The following PPP1R12A variants were observed in gnomAD, a reference collection of about 807,000 sequenced individuals.
The protein encoded by PPP1R12A is protein phosphatase 1 regulatory subunit 12A.
In PPP1R12A, 19 loss-of-function variants were observed where a neutral mutation model predicts 139.6. That is an observed-to-expected ratio of 0.14 (90% CI 0.09 to 0.20). The LOEUF is 0.20. Ranked by LOEUF, PPP1R12A falls within the 10% of genes least tolerant of loss-of-function variation. The probability of loss-of-function intolerance (pLI) is 1.00; values close to 1 mark genes in which losing one functional copy is unlikely to be tolerated. For missense variants in PPP1R12A, 925 were observed against 1,211.5 expected (o/e 0.76, Z 3.51); for synonymous variants, 427 against 420.6 (o/e 1.02, Z -0.19).
chr12:79,888,478 G>A (rs1263830188), intron 1 of PPP1R12A, among the ~76,000 whole-genome samples: 3 of 152,162 alleles, frequency 2.0e-5, no homozygotes, highest in Non-Finnish European at 4.4e-5. Flanking sequence ...ATTTAAGAAA[G>A]GGGAAACAAC....
intron 1 of PPP1R12A, among the ~76,000 whole-genome samples, chr12:79,897,398 G>A (rs1351069030): frequency 1.3e-5 from 2 of 152,130 alleles, no homozygotes; most frequent in South Asian, 4.2e-4. Flanking sequence ...GAGTCGGGGA[G>A]GGAACAAGGG....
At chr12:79,817,624 A>G in intron 8 of PPP1R12A, 106 bp from the exon 9 acceptor site, 2 of 1,142,636 alleles carry the variant, frequency 1.8e-6, no homozygotes, top group Non-Finnish European at 1.2e-6. Flanking sequence ...TTTGTTAACT[A>G]AAAGTCTTTC....
Position 79,778,713 on chromosome 12 carries a change from T to C in PPP1R12A, c.2956-113A>G. 4.5e-6 allele frequency: 3 copies of C among 672,532 alleles called. No individual in the cohort carries two copies. The East Asian group carries it at 9.0e-5, about 20-fold the overall frequency. 41.7% of individuals were successfully genotyped at this position (672,532 alleles called of 1,614,324 possible). ...ATTAAAGGTCCAATCAGGAGCAGTG[T>C]AGAAAAGATGTGATGCCAGTGATAT... On this transcript the variant is annotated intron_variant, in intron 23 of 24. Coordinates refer to ENST00000450142, the MANE Select transcript of PPP1R12A (RefSeq NM_002480.3).
intron 10 of PPP1R12A, among the ~76,000 whole-genome samples, chr12:79,809,495 T>C (rs1289863891): frequency 1.3e-5 from 2 of 152,180 alleles, no homozygotes; most frequent in Non-Finnish European, 2.9e-5. Context: ...AGAAAGTTTC[T>C]TGAATCATAA....
rs769509208 is a variant in PPP1R12A, at chr12:79,798,490, A to C, written c.2091+4T>G. 1 of 1,513,798 alleles carries C rather than the reference A, an allele frequency of 6.6e-7. No homozygotes were observed. Among genetic ancestry groups the C allele is most frequent in the Admixed American group, 1.9e-5 (1 of 52,284 alleles). 93.8% of individuals were successfully genotyped at this position (1,513,798 alleles called of 1,614,324 possible). ...GTTTTATATATTAATTACATTAACT[A>C]TACCTGTGTTGATCTTCTAGATTGT... On this transcript the variant is annotated splice_donor_region_variant and intron_variant, in intron 15 of 24. Transcript: ENST00000450142.
chr12:79,774,076 T>C lies in PPP1R12A; in HGVS notation c.*1853A>G, dbSNP rs1338926589. The C allele has an allele frequency of 6.6e-6, 1 of 152,170 alleles. No individual in the cohort carries two copies. The highest frequency in any genetic ancestry group is 2.4e-5 in the African/African-American group (1 of 41,458). The allele number at this position is 152,170 out of a possible 1,614,324, so 9.4% of individuals were successfully genotyped here. ...TCACAAATATAAACCATAGCATGCC[T>C]AACTGTTGTGCAACCAGAACATGTT... On this transcript the variant is annotated 3_prime_UTR_variant, in exon 25 of 25. Coordinates refer to ENST00000450142, the MANE Select transcript of PPP1R12A (RefSeq NM_002480.3).
chr12:79,922,926 A>G (rs1390230649), intron 1 of PPP1R12A, among the ~76,000 whole-genome samples: 4 of 152,042 alleles, frequency 2.6e-5, no homozygotes, highest in Non-Finnish European at 4.4e-5. Context: ...AAGATTGCAG[A>G]TAAGATTTCT....
intron 2 of PPP1R12A, among the ~76,000 whole-genome samples, chr12:79,864,572 T>C (rs928757736): frequency 4.0e-5 from 6 of 151,786 alleles, no homozygotes; most frequent in Non-Finnish European, 5.9e-5. Flanking sequence ...ACAAAATAGA[T>C]AGACAGCTAG....
intron 1 of PPP1R12A, among the ~76,000 whole-genome samples, chr12:79,910,716 T>A (rs368860495): frequency 2.6e-5 from 4 of 152,208 alleles, no homozygotes; most frequent in Non-Finnish European, 5.9e-5. Context: ...AGGCTAGTCA[T>A]AACACAAAGA....
intron 12 of PPP1R12A, among the ~76,000 whole-genome samples, chr12:79,806,608 C>G (rs1037923640): frequency 6.6e-6 from 1 of 152,186 alleles, no homozygotes; most frequent in African/African-American, 2.4e-5. Flanking sequence ...CTATTCCACA[C>G]CATATGGTCA....
chr12:79,789,458 T>A, intron 20 of PPP1R12A: 1 of 261,422 alleles, frequency 3.8e-6, no homozygotes, highest in Non-Finnish European at 7.6e-6. Flanking sequence ...ACAATGGTGT[T>A]TTAAAATGAG....
At chr12:79,780,362 G>A (rs536691155) in intron 23 of PPP1R12A, 29 of 152,116 alleles carry the variant, frequency 1.9e-4, no homozygotes, top group African/African-American at 6.5e-4. Context: ...TATAGAGAGT[G>A]GATTAGCTAC....
chr12:79,867,543 T>C (rs1273403958), intron 2 of PPP1R12A, among the ~76,000 whole-genome samples: 1 of 149,042 alleles, frequency 6.7e-6, no homozygotes, highest in Non-Finnish European at 1.5e-5. Flanking sequence ...AAAAAAAAAT[T>C]AGTCCCTACT....
At chr12:79,794,817 T>A (rs1158519911) in intron 18 of PPP1R12A, among the ~76,000 whole-genome samples, 1 of 152,070 alleles carries the variant, frequency 6.6e-6, no homozygotes, top group Non-Finnish European at 1.5e-5. Context: ...GAAGTAAATG[T>A]ACTGCTACAT....
intron 1 of PPP1R12A, among the ~76,000 whole-genome samples, chr12:79,883,242 A>G (rs1883810470): frequency 2.0e-5 from 3 of 151,836 alleles, no homozygotes; most frequent in Admixed American, 1.3e-4. Context: ...GCAATAAAGC[A>G]TTTTTAAATT....
intron 3 of PPP1R12A, among the ~76,000 whole-genome samples, chr12:79,840,959 C>G (rs970156587): frequency 6.6e-5 from 10 of 152,002 alleles, no homozygotes; most frequent in Admixed American, 2.6e-4. Flanking sequence ...CCTACAAATC[C>G]CGCCCTGACT....
chr12:79,892,879 G>A (rs868017909), intron 1 of PPP1R12A, among the ~76,000 whole-genome samples: 9 of 152,122 alleles, frequency 5.9e-5, no homozygotes, highest in African/African-American at 1.7e-4. Flanking sequence ...CAAGGTGGGC[G>A]GATCACTTGA....
intron 2 of PPP1R12A, among the ~76,000 whole-genome samples, chr12:79,859,735 T>C (rs1255919073): frequency 6.6e-6 from 1 of 151,972 alleles, no homozygotes; most frequent in African/African-American, 2.4e-5. Flanking sequence ...CGAGACTCTG[T>C]CTCTACAAAA....
chr12:79,874,942 T>C (rs1049044670), intron 1 of PPP1R12A, among the ~76,000 whole-genome samples: 1 of 152,184 alleles, frequency 6.6e-6, no homozygotes, highest in Non-Finnish European at 1.5e-5. Flanking sequence ...CCCCCAGATC[T>C]AAGCATGCTG....
Sources: allele counts gnomAD v4.1 joint callset (sites outside exome capture counted in the v4.1 genomes callset), GRCh38; gene constraint gnomAD v4.1.1; transcripts MANE v1.5; gene names NCBI Gene and HGNC (gene_info 2026-07-23, HGNC 2026-07-21).